NCAM1: variants seen among roughly 807,000 people sequenced by gnomAD.
The protein encoded by NCAM1 is neural cell adhesion molecule 1, also known as antigen recognized by monoclonal antibody 5.1H11.
Under a neutral mutation model 109.8 loss-of-function variants are expected in NCAM1, and 14 were observed. The ratio of observed to expected loss-of-function variants is 0.13; its 90% CI spans 0.08 to 0.20. NCAM1 has a LOEUF of 0.20. Among genes scored for constraint, NCAM1 ranks in the 10% least tolerant of loss-of-function variants. NCAM1 has a pLI of 1.00. For missense variants in NCAM1, 774 were observed against 1,109.9 expected, an observed-to-expected ratio of 0.70 and a Z score of 4.30; for synonymous variants, 418 against 442.9, an observed-to-expected ratio of 0.94 and a Z score of 0.70.
At chr11:113,171,967 A>T (rs1943009865) in intron 1 of NCAM1, among the ~76,000 whole-genome samples, 1 of 152,196 alleles carries the variant, frequency 6.6e-6, no homozygotes, top group South Asian at 2.1e-4. Context: ...ACACACTTGG[A>T]GATCAGAGTT....
intron 1 of NCAM1, among the ~76,000 whole-genome samples, chr11:112,973,127 C>T (rs1950926178): frequency 6.6e-6 from 1 of 152,094 alleles, no homozygotes. Flanking sequence ...TATTTCTAGA[C>T]CTTTAAAAAA....
intron 1 of NCAM1, among the ~76,000 whole-genome samples, chr11:113,186,231 T>C (rs1352153317): frequency 6.6e-6 from 1 of 152,178 alleles, no homozygotes; most frequent in East Asian, 1.9e-4. Context: ...CCAGTGAGCA[T>C]TACTGCCTGA....
chr11:113,076,995 T>C (rs1938556201), intron 1 of NCAM1, among the ~76,000 whole-genome samples: 1 of 152,230 alleles, frequency 6.6e-6, no homozygotes, highest in African/African-American at 2.4e-5. Context: ...TAATACCTGA[T>C]TATTATACAT....
At chr11:113,188,469 GA>G (rs1555109261) in intron 1 of NCAM1, among the ~76,000 whole-genome samples, 1 of 152,126 alleles carries the variant, frequency 6.6e-6, no homozygotes, top group Non-Finnish European at 1.5e-5. Context: ...TTTCTTATAG[GA>G]ATAGAAGAGA....
At chr11:113,186,686 G>T (rs573573258) in intron 1 of NCAM1, among the ~76,000 whole-genome samples, 1 of 152,300 alleles carries the variant, frequency 6.6e-6, no homozygotes, top group Admixed American at 6.5e-5. Flanking sequence ...ATCCAGAAGT[G>T]TCACATTTTG....
intron 1 of NCAM1, among the ~76,000 whole-genome samples, chr11:113,189,326 T>G (rs554821232): frequency 7.2e-5 from 11 of 151,980 alleles, no homozygotes; most frequent in African/African-American, 2.7e-4. Context: ...GGCGTGTGCT[T>G]GTAGTCCCAG....
chr11:113,254,781 C>T (rs142041976), intron 15 of NCAM1, among the ~76,000 whole-genome samples: 2 of 152,214 alleles, frequency 1.3e-5, no homozygotes, highest in East Asian at 3.9e-4. Context: ...TGTTTTGTAG[C>T]CTCTCCAAGT....
chr11:113,159,545 A>C (rs782285525), intron 1 of NCAM1, among the ~76,000 whole-genome samples: 3 of 152,218 alleles, frequency 2.0e-5, no homozygotes, highest in Non-Finnish European at 2.9e-5. Flanking sequence ...TCTGTGGTGT[A>C]GCCCTTACAG....
intron 9 of NCAM1, 155 bp downstream of exon 9, chr11:113,221,480 T>A: frequency 1.4e-6 from 1 of 734,738 alleles, no homozygotes; most frequent in Non-Finnish European, 2.2e-6. Context: ...ATAGTATCAT[T>A]TTAGGATGAG....
At chr11:113,200,877 C>G (rs1421273668) in intron 1 of NCAM1, among the ~76,000 whole-genome samples, 1 of 152,126 alleles carries the variant, frequency 6.6e-6, no homozygotes, top group Non-Finnish European at 1.5e-5. Flanking sequence ...AGTCCTGAGC[C>G]TCAGGGAGCC....
intron 1 of NCAM1, among the ~76,000 whole-genome samples, chr11:113,153,437 G>A (rs994033239): frequency 2.7e-5 from 4 of 148,568 alleles, no homozygotes; most frequent in Non-Finnish European, 5.9e-5. Context: ...GGGAGGGGGG[G>A]CACAGAGACA....
At position 113,205,403 on chromosome 11, in the gene NCAM1, C is replaced by T. The variant is rs1347493674; in HGVS notation, c.347-120C>T. On this transcript the variant is annotated intron_variant, in intron 3 of 19. Transcript: ENST00000316851. ...CGTCTCTGAGGGTGCCCCTCTTATA[C>T]AACTGTACATCAGGATCGAGACTTG... The T allele has an allele frequency of 3.8e-6, 5 of 1,320,546 alleles. No homozygotes were observed. In the African/African-American group the frequency reaches 7.5e-5, roughly 20 times the overall value. The allele number at this position is 1,320,546 out of a possible 1,614,324, so 81.8% of individuals were successfully genotyped here.
intron 1 of NCAM1, among the ~76,000 whole-genome samples, chr11:113,146,439 C>G: frequency 6.6e-6 from 1 of 152,130 alleles, no homozygotes. Flanking sequence ...CACCTAGACA[C>G]TCTTCCAAAT....
At chr11:112,969,215 A>G (rs1329508195) in intron 1 of NCAM1, among the ~76,000 whole-genome samples, 2 of 152,034 alleles carry the variant, frequency 1.3e-5, no homozygotes, top group African/African-American at 4.8e-5. Context: ...TACATGGGGA[A>G]CAGTGTGAGA....
intron 1 of NCAM1, among the ~76,000 whole-genome samples, chr11:113,097,465 T>A (rs1362693684): frequency 6.6e-6 from 1 of 151,724 alleles, no homozygotes; most frequent in Non-Finnish European, 1.5e-5. Context: ...TCATCTAACA[T>A]AGAGAGCTAT....
At chr11:113,084,183 G>A (rs1241008065) in intron 1 of NCAM1, among the ~76,000 whole-genome samples, 1 of 152,100 alleles carries the variant, frequency 6.6e-6, no homozygotes, top group African/African-American at 2.4e-5. Flanking sequence ...AGGTTGCTAG[G>A]ATACAGACTT....
rs1337651574 is a variant in NCAM1, at chr11:113,232,019, G to A, written c.1241-151G>A. The A allele has an allele frequency of 2.1e-5, 20 of 932,914 alleles. No homozygotes were observed. The African/African-American group carries it at 2.7e-4, about 12-fold the overall frequency. The allele number at this position is 932,914 out of a possible 1,614,324, so 57.8% of individuals were successfully genotyped here. ...TGCCCTTGAGTCTTCTTCCCATGCT[G>A]TGCACAGGAATTCTAGAATGGCCCT... is the stretch of plus-strand genomic sequence containing the variant. On this transcript the variant is annotated intron_variant, in intron 10 of 19. Coordinates refer to ENST00000316851, the MANE Select transcript of NCAM1 (RefSeq NM_181351.5).
intron 15 of NCAM1, among the ~76,000 whole-genome samples, chr11:113,255,064 T>C (rs782483344): frequency 6.6e-6 from 1 of 152,164 alleles, no homozygotes; most frequent in Admixed American, 6.5e-5. Flanking sequence ...ATACTGCAAA[T>C]CAAGAAACAA....
At chr11:113,181,557 G>A (rs2018439) in intron 1 of NCAM1, among the ~76,000 whole-genome samples, 21 of 152,190 alleles carry the variant, frequency 1.4e-4, no homozygotes, top group African/African-American at 4.8e-4. Flanking sequence ...AGGAAGAATA[G>A]CTAATGGATG....
Sources: gnomAD v4.1 joint callset for allele counts (sites outside exome capture counted in the v4.1 genomes callset) on GRCh38, gnomAD v4.1.1 for gene constraint, MANE v1.5 for transcripts, NCBI Gene and HGNC (gene_info 2026-07-23, HGNC 2026-07-21) for gene names.